The following PITRM1 variants were observed in gnomAD, a reference collection of about 807,000 sequenced individuals.
PITRM1 encodes presequence protease, mitochondrial.
A neutral mutation model predicts 129.9 loss-of-function variants in PITRM1; 100 were observed. The observed-to-expected ratio is 0.77, with a 90% CI of 0.65 to 0.91. The LOEUF (loss-of-function observed/expected upper bound fraction) is 0.91, where lower values mean the gene tolerates loss of function less well. Among genes scored for constraint, PITRM1 ranks in the 40% least tolerant of loss-of-function variants. PITRM1 has a pLI of 0.00. For missense variants in PITRM1, 1,471 were observed against 1,318.3 expected (o/e 1.12, Z -1.79); for synonymous variants, 591 against 508.8 (o/e 1.16, Z -2.17).
chr10:3,138,191 A>C (rs2131791061), intron 26 of PITRM1, 44 bp downstream of exon 26: 1 of 1,579,242 alleles, frequency 6.3e-7, no homozygotes, highest in Non-Finnish European at 8.7e-7. Flanking sequence ...AGTCAGCACG[A>C]GGGCTTCCAG....
chr10:3,147,981 A>C lies in PITRM1; in HGVS notation c.2069+6T>G, dbSNP rs906327739. On this transcript the variant is annotated splice_donor_region_variant and intron_variant, in intron 18 of 26. Coordinates refer to ENST00000224949, the MANE Select transcript of PITRM1 (RefSeq NM_014889.4). ...AAGAATGGACAACTCTTGCAAATAAAGTTACTTGTTAAATATTTCACTCCA... is the reference window on the plus strand; with the variant it reads ...AAGAATGGACAACTCTTGCAAATAACGTTACTTGTTAAATATTTCACTCCA... The C allele has an allele frequency of 1.2e-6, 2 of 1,602,580 alleles. No homozygotes were observed. The highest frequency in any genetic ancestry group is 2.7e-5 in the African/African-American group (2 of 74,720).
Position 3,148,164 on chromosome 10 carries a change from A to G in PITRM1, c.1992+7T>C, listed in dbSNP as rs1216054287. The G allele has an allele frequency of 3.1e-6, 5 of 1,613,928 alleles. No individual in the cohort carries two copies. The highest frequency in any genetic ancestry group is 4.2e-6 in the Non-Finnish European group (5 of 1,179,822). On this transcript the variant is annotated splice_region_variant and intron_variant, in intron 17 of 26. Coordinates refer to ENST00000224949, the MANE Select transcript of PITRM1 (RefSeq NM_014889.4). The stretch of plus-strand genomic sequence containing the variant: ...ACCGCAGCAGTCGTCTGACGGTACC[A>G]GGCTACCTGCTCGTAGGTGTCCATG...
chr10:3,171,809 G>A (rs146287970), intron 1 of PITRM1, among the ~76,000 whole-genome samples: 126 of 152,294 alleles, frequency 8.3e-4, no homozygotes, highest in African/African-American at 2.3e-3. Context: ...AGAGGCTGAG[G>A]AGGGGGATCA....
At chr10:3,147,519 T>G in intron 19 of PITRM1, 53 bp downstream of exon 19, 1 of 1,551,224 alleles carries the variant, frequency 6.4e-7, no homozygotes, top group Admixed American at 1.7e-5. Context: ...AATTAGTAAC[T>G]CTGGAATATG....
intron 18 of PITRM1, 59 bp downstream of exon 18, chr10:3,147,928 C>T (rs1486318982): frequency 2.9e-6 from 4 of 1,391,526 alleles, no homozygotes; most frequent in African/African-American, 2.8e-5. Context: ...CTTTAAAGTA[C>T]TTCAAACAAA....
At chr10:3,160,386 A>C (rs1588697037) in intron 7 of PITRM1, 56 bp from the exon 8 acceptor site, 2 of 1,426,872 alleles carry the variant, frequency 1.4e-6, no homozygotes, top group East Asian at 4.5e-5. Flanking sequence ...TGTGAGATCA[A>C]GTGCTGTCTG....
rs1270956722 is a variant in PITRM1, at chr10:3,147,599, C to T, written c.2208G>A (p.Leu736=). ...GATCCATCCCGCTGAAGGTCTCCTG[C>T]AGGTCCCCTGCGGGCGTGAGGGTCC... ...AGRTLTPAGD[L]QETFSGMDQV... is the part of the protein sequence containing the mutation. Residue 736 remains leucine (L), a synonymous_variant, in exon 19 of 27, where the codon CTG becomes CTA. Transcript: ENST00000224949. 3 of 1,613,942 alleles carry T rather than the reference C, an allele frequency of 1.9e-6. No individual in the cohort carries two copies. Among genetic ancestry groups the T allele is most frequent in the Non-Finnish European group, 2.5e-6 (3 of 1,179,908 alleles).
chr10:3,148,262 T>G lies in PITRM1; in HGVS notation c.1901A>C (p.Glu634Ala). ...CTTCAATTCTATCTGCTGAGCCTGC[T>G]CCCGGTAGTCAAGAAGGCCGCAGCC... Reference protein sequence around the residue: ...KLGCGLLDYREQAQQIELKTG... With the variant: ...KLGCGLLDYRAQAQQIELKTG... Residue 634 changes from glutamate to alanine, a missense_variant, in exon 17 of 27, where the codon GAG becomes GCG. Transcript: ENST00000224949. 6.2e-7 allele frequency: 1 copy of G among 1,613,518 alleles called. No homozygotes were observed.
At chr10:3,147,023 C>A in intron 20 of PITRM1, 127 bp downstream of exon 20, 1 of 526,496 alleles carries the variant, frequency 1.9e-6, no homozygotes. Flanking sequence ...GAACACTTGA[C>A]ATTTACAATA....
At chr10:3,164,010 T>G in intron 6 of PITRM1, 125 bp from the exon 7 acceptor site, 2 of 534,522 alleles carry the variant, frequency 3.7e-6, no homozygotes, top group South Asian at 3.5e-5. Context: ...CAAATAAAGC[T>G]GTTCTAATGG....
intron 2 of PITRM1, among the ~76,000 whole-genome samples, chr10:3,167,625 T>C (rs1229406820): frequency 2.0e-5 from 3 of 152,180 alleles, no homozygotes; most frequent in Non-Finnish European, 4.4e-5. Context: ...CAGCGCCCCT[T>C]CCAATGTCTG....
intron 23 of PITRM1, 97 bp from the exon 24 acceptor site, chr10:3,140,909 G>A (rs1424988201): frequency 8.4e-6 from 9 of 1,076,158 alleles, no homozygotes; most frequent in Non-Finnish European, 1.1e-5. Flanking sequence ...AAATCGAGTT[G>A]TAAAATAATG....
intron 1 of PITRM1, among the ~76,000 whole-genome samples, chr10:3,170,911 C>A (rs1050253387): frequency 1.3e-5 from 2 of 151,468 alleles, no homozygotes; most frequent in Admixed American, 1.3e-4. Context: ...TGCAGTGGGC[C>A]GAGATCACGC....
chr10:3,155,103 C>G (rs1461530509), intron 14 of PITRM1, among the ~76,000 whole-genome samples: 1 of 152,202 alleles, frequency 6.6e-6, no homozygotes, highest in East Asian at 1.9e-4. Context: ...ACAGGGCACA[C>G]CTGTCTCCCC....
intron 22 of PITRM1, chr10:3,143,748 C>T (rs1564390828): frequency 2.9e-6 from 2 of 692,618 alleles, no homozygotes; most frequent in East Asian, 2.8e-5. Context: ...TGAAGTCCTC[C>T]AATCTTGACG....
chr10:3,144,889 A>G (rs1219007823), intron 21 of PITRM1: 1 of 152,642 alleles, frequency 6.6e-6, no homozygotes, highest in Non-Finnish European at 1.5e-5. Context: ...AGTCAAGGAA[A>G]AGGTAGCCTT....
intron 21 of PITRM1, 94 bp from the exon 22 acceptor site, chr10:3,144,460 TAAC>T (rs1840632981): frequency 2.7e-6 from 2 of 727,742 alleles, no homozygotes; most frequent in Non-Finnish European, 4.7e-6. Context: ...ACACAGCTAA[TAAC>T]AAGTGTTAGG....
chr10:3,158,042 A>G lies in PITRM1; in HGVS notation c.1248T>C (p.Val416=), dbSNP rs1842117522. ...TGTTACAAACAAGCTACACTCACTC[A>G]ACTACTTCATCAATCGTTCTGTCTA... The part of the protein sequence containing the change: ...SLIDRTIDEV[V]EKGFEDDRIE... Residue 416 remains valine (V), a splice_region_variant and synonymous_variant, in exon 11 of 27, where the codon GTT becomes GTC. Coordinates refer to ENST00000224949, the MANE Select transcript of PITRM1 (RefSeq NM_014889.4). The G allele has an allele frequency of 6.3e-7, 1 of 1,575,868 alleles. No homozygotes were observed. The highest frequency in any genetic ancestry group is 8.7e-7 in the Non-Finnish European group (1 of 1,144,802).
At chr10:3,139,190 G>A in intron 24 of PITRM1, 141 bp from the exon 25 acceptor site, 1 of 721,542 alleles carries the variant, frequency 1.4e-6, no homozygotes, top group East Asian at 2.5e-5. Context: ...ACAGCCCACT[G>A]ACAAATCGCT....
Sources: allele counts gnomAD v4.1 joint callset (sites outside exome capture counted in the v4.1 genomes callset), GRCh38; gene constraint gnomAD v4.1.1; transcripts MANE v1.5; gene names NCBI Gene and HGNC (gene_info 2026-07-23, HGNC 2026-07-21).